FBRS: variants seen among roughly 807,000 people sequenced by gnomAD.
FBRS encodes probable fibrosin-1.
FBRS carries 15 observed loss-of-function variants against 86.1 expected under a neutral mutation model. The observed-to-expected ratio is 0.17, with a 90% CI of 0.12 to 0.27. FBRS has a LOEUF of 0.27. FBRS is among the 10% of genes least tolerant of loss of function. The pLI is 1.00. For synonymous variants in FBRS, 666 were observed against 575.8 expected, an observed-to-expected ratio of 1.16 and a Z score of -2.24; for missense variants, 1,367 against 1,301.6, an observed-to-expected ratio of 1.05 and a Z score of -0.77.
At chr16:30,660,225 C>T (rs749983944) in intron 1 of FBRS, 38 bp from the exon 2 acceptor site, 16 of 1,337,000 alleles carry the variant, frequency 1.2e-5, no homozygotes, top group Admixed American at 3.6e-5. Flanking sequence ...GGAGCTTGCC[C>T]TTTTCCATCT....
In FBRS at chr16:30,667,354, T is replaced by A. The variant is rs553091194; in HGVS notation, c.1910T>A (p.Leu637His). The change falls in exon 14 of 18, where the codon CTC becomes CAC. Residue 637 changes from leucine (L) to histidine (H), a missense_variant. Coordinates refer to ENST00000356166, the MANE Select transcript of FBRS (RefSeq NM_001105079.3). ...DSHKLDFRND[L>H]LPCLPGPYGA... ...CACAAGCTTGACTTTCGGAATGACC[T>A]CCTGCCCTGCCTTCCGGGGCCCTAT... The A allele has an allele frequency of 9.1e-5, 141 of 1,554,216 alleles. 3 individuals are homozygous for A. The South Asian group carries it at 1.4e-3, about 16-fold the overall frequency.
intron 13 of FBRS, 56 bp from the exon 14 acceptor site, chr16:30,667,264 A>G: frequency 7.3e-7 from 1 of 1,364,112 alleles, no homozygotes; most frequent in South Asian, 1.3e-5. Context: ...TGAGAGAGCA[A>G]GAGGGGGACC....
At chr16:30,666,639 G>A in intron 12 of FBRS, 98 bp downstream of exon 12, 1 of 1,568,394 alleles carries the variant, frequency 6.4e-7, no homozygotes, top group Non-Finnish European at 8.8e-7. Context: ...GAGAAGCCCA[G>A]AACATGGAGG....
intron 6 of FBRS, among the ~76,000 whole-genome samples, chr16:30,663,476 C>T (rs559630887): frequency 3.3e-5 from 5 of 151,722 alleles, no homozygotes; most frequent in South Asian, 2.1e-4. Context: ...ATGCCTCAGC[C>T]CCTTGATTTC....
chr16:30,663,722 C>T (rs1408389394), intron 6 of FBRS, among the ~76,000 whole-genome samples: 1 of 152,126 alleles, frequency 6.6e-6, no homozygotes, highest in Non-Finnish European at 1.5e-5. Context: ...TCTATTTTGT[C>T]ACCGTCATTG....
intron 6 of FBRS, among the ~76,000 whole-genome samples, chr16:30,663,448 T>G (rs1161817358): frequency 6.6e-6 from 1 of 152,158 alleles, no homozygotes; most frequent in African/African-American, 2.4e-5. Flanking sequence ...TTTTGTGAAC[T>G]TTAGAAAGCT....
At chr16:30,667,759 C>G (rs1287619680) in intron 15 of FBRS, 137 bp downstream of exon 15, 2 of 700,054 alleles carry the variant, frequency 2.9e-6, no homozygotes, top group African/African-American at 1.8e-5. Flanking sequence ...GGTTACTCTA[C>G]CCCCTCTGAG....
chr16:30,668,776 C>T lies in FBRS; in HGVS notation c.2163C>T (p.Ser721=), dbSNP rs759072873. The change falls in exon 17 of 18, where the codon TCC becomes TCT. Residue 721 remains serine, a synonymous_variant. Coordinates refer to ENST00000356166, the MANE Select transcript of FBRS (RefSeq NM_001105079.3). ...TCTGCTTCACCCTCTGCCCAGACTC[C>T]GGCGCCGTCTTTGCCCAGAAAGAAA... ...FGGLGSPTFN[S]GAVFAQKESP... 6.2e-6 allele frequency: 10 copies of T among 1,600,242 alleles called. No individual in the cohort carries two copies. The highest frequency in any genetic ancestry group is 7.6e-6 in the Non-Finnish European group (9 of 1,178,246).
At chr16:30,664,665 G>A (rs1391450256) in intron 7 of FBRS, 50 bp from the exon 8 acceptor site, 1 of 1,462,258 alleles carries the variant, frequency 6.8e-7, no homozygotes, top group African/African-American at 1.4e-5. Context: ...TGGGCCCAAG[G>A]AGGCTGATGT....
In FBRS at chr16:30,663,060, G is replaced by A. The variant is rs552660572; in HGVS notation, c.1055+201G>A. On this transcript the variant is annotated intron_variant, in intron 6 of 17. Coordinates refer to ENST00000356166, the MANE Select transcript of FBRS (RefSeq NM_001105079.3). ...CATGCAGGGGAATCCAGGCTGTGCT[G>A]TTTCCCAGTTGTGTTTGCTGGTGAG... 2.8e-5 allele frequency: 29 copies of A among 1,044,830 alleles called. No individual in the cohort carries two copies. The South Asian group carries it at 1.1e-3, about 41-fold the overall frequency. The allele number at this position is 1,044,830 out of a possible 1,614,324, so 64.7% of individuals were successfully genotyped here. A position where few individuals can be genotyped will look rare whatever the true frequency, so the allele number is the denominator to read the frequency against.
At position 30,669,624 on chromosome 16, in the gene FBRS, C is replaced by T; in HGVS notation, c.2922C>T (p.Gly974=). 2 of 1,603,312 alleles carry T rather than the reference C, an allele frequency of 1.2e-6. No homozygotes were observed. Among genetic ancestry groups the T allele is most frequent in the East Asian group, 4.5e-5 (2 of 44,752 alleles). The change falls in exon 18 of 18, where the codon GGC becomes GGT. Residue 974 remains glycine (G), a synonymous_variant. Coordinates refer to ENST00000356166, the MANE Select transcript of FBRS (RefSeq NM_001105079.3). The surrounding 1 kb of genome is among the most constrained non-coding windows in gnomAD (Gnocchi z 5.9). ...CCAGTTCCCCACCTAGGGGCCCTGG[C>T]CCAGCTCGGGCTGACAGGTGAGGGG... ...PRPSSPPRGP[G]PARADR
rs1342146335 is a variant in FBRS at position 30,664,719 on chromosome 16, G to A, written c.1362G>A (p.Gln454=). 2.6e-6 allele frequency: 4 copies of A among 1,535,860 alleles called. No homozygotes were observed. The highest frequency in any genetic ancestry group is 1.4e-5 in the African/African-American group (1 of 72,826). The change falls in exon 8 of 18, where the codon CAG becomes CAA. Residue 454 remains glutamine, a synonymous_variant. Transcript: ENST00000356166. The part of the protein sequence containing the change: ...GASAANALSE[Q]DLIGQDLNSR... Reference sequence around the variant, plus strand: ...TTCTCCCGTCCCCTCCCACAGAGCAGGACCTGATCGGCCAGGACCTGAACT... The same window carrying A: ...TTCTCCCGTCCCCTCCCACAGAGCAAGACCTGATCGGCCAGGACCTGAACT...
At position 30,659,608 on chromosome 16, in the gene FBRS, C is replaced by A; in HGVS notation, c.90C>A (p.Asp30Glu). 2.7e-6 allele frequency: 1 copy of A among 376,248 alleles called. No homozygotes were observed. Among genetic ancestry groups the A allele is most frequent in the Non-Finnish European group, 4.7e-6 (1 of 213,500 alleles). The allele number at this position is 376,248 out of a possible 1,614,324, so 23.3% of individuals were successfully genotyped here. A position where few individuals can be genotyped will look rare whatever the true frequency, so the allele number is the denominator to read the frequency against. ...GGCGCTGCTCGCGCCGAGACCGAGA[C>A]CGGGAGCAGCGGCGCCGCCGAGGTC... ...RRRRCSRRDRDREQRRRRGPG... is the reference protein window; with the variant it reads ...RRRRCSRRDREREQRRRRGPG... Residue 30 changes from aspartate to glutamate, a missense_variant, in exon 1 of 18, where the codon GAC (aspartate) becomes GAA (glutamate). Physicochemically the swap from Asp to Glu is conservative, Grantham distance 45 (BLOSUM62 2). This residue lies in a region of FBRS where 702 missense variants were observed against 598.7 expected (regional missense o/e 1.17). Coordinates refer to ENST00000356166, the MANE Select transcript of FBRS (RefSeq NM_001105079.3).
Position 30,668,569 on chromosome 16 carries a change from G to A in FBRS, c.2084G>A (p.Gly695Glu). 1 of 1,611,908 alleles carries A rather than the reference G, an allele frequency of 6.2e-7. No individual in the cohort carries two copies. The highest frequency in any genetic ancestry group is 1.1e-5 in the South Asian group (1 of 90,984). The change falls in exon 16 of 18, where the codon GGG becomes GAG. Residue 695 changes from glycine (G) to glutamate (E), a missense_variant. Transcript: ENST00000356166. ...CCCTTTCCTCCCACAGATCCCTTTGGGCGTCCCACAAGCTTCGCCTCTTTG... is the reference window on the plus strand; with the variant it reads ...CCCTTTCCTCCCACAGATCCCTTTGAGCGTCCCACAAGCTTCGCCTCTTTG... ...LSPSTHIDPFGRPTSFASLAA... is the reference protein window; with the variant it reads ...LSPSTHIDPFERPTSFASLAA...
chr16:30,663,113 T>C (rs977170936), intron 6 of FBRS: 5 of 538,846 alleles, frequency 9.3e-6, no homozygotes, highest in Non-Finnish European at 1.4e-5. Flanking sequence ...GCAAGTCTGC[T>C]CGGAATAGTG....
chr16:30,667,428 A>C lies in FBRS; in HGVS notation c.1984A>C (p.Thr662Pro). 1 of 1,544,198 alleles carries C rather than the reference A, an allele frequency of 6.5e-7. No homozygotes were observed. The highest frequency in any genetic ancestry group is 1.4e-5 in the African/African-American group (1 of 72,880). The change falls in exon 14 of 18, where the codon ACT (threonine) becomes CCT (proline). Residue 662 changes from threonine to proline, a missense_variant. Physicochemically the swap from Thr to Pro is conservative, Grantham distance 38. Around this residue, in one of 3 missense-constraint regions of FBRS, gnomAD observed 659 missense variants for 678.8 expected, o/e 0.97. Coordinates refer to ENST00000356166, the MANE Select transcript of FBRS (RefSeq NM_001105079.3). ...QELSHPASLFTATGAVHAAAN... is the reference protein window; with the variant it reads ...QELSHPASLFPATGAVHAAAN... The stretch of plus-strand genomic sequence containing the variant: ...GCTCTCCCACCCGGCCTCCCTCTTC[A>C]CTGCGACTGGTGAGTCTGGCCAGCC...
intron 4 of FBRS, 102 bp downstream of exon 4, chr16:30,661,435 A>G: frequency 6.5e-7 from 1 of 1,543,328 alleles, no homozygotes; most frequent in South Asian, 1.2e-5. Context: ...CTTGAGTGAG[A>G]AACATGGCTT....
At chr16:30,666,255 T>G in intron 11 of FBRS, 1 of 589,494 alleles carries the variant, frequency 1.7e-6, no homozygotes, top group Non-Finnish European at 3.0e-6. Flanking sequence ...CTGAGAAACC[T>G]GTCCTGCCTG....
Position 30,661,215 on chromosome 16 carries a change from A to G in FBRS, c.675A>G (p.Ile225Met), listed in dbSNP as rs1567543788. ...SSRHSLEAGY[I>M]CDAESDLDER... ...GTCACTCTCTGGAAGCTGGATACAT[A>G]GTAAGTGCTATCCACCTGTCCTGGC... The change falls in exon 3 of 18, where the codon ATA becomes ATG. Residue 225 changes from isoleucine to methionine, a missense_variant and splice_region_variant. Around this residue, in one of 3 missense-constraint regions of FBRS, gnomAD observed 702 missense variants for 598.7 expected, o/e 1.17. Transcript: ENST00000356166. The G allele has an allele frequency of 1.3e-6, 2 of 1,550,718 alleles. No homozygotes were observed. Among genetic ancestry groups the G allele is most frequent in the Non-Finnish European group, 1.7e-6 (2 of 1,147,018 alleles).
Sources: allele counts gnomAD v4.1 joint callset (sites outside exome capture counted in the v4.1 genomes callset), GRCh38; gene constraint gnomAD v4.1.1; regional missense constraint gnomAD v4.1.1; non-coding constraint Gnocchi (gnomAD v3.1); transcripts MANE v1.5; gene names NCBI Gene and HGNC (gene_info 2026-07-23, HGNC 2026-07-21).